Variants in PLSCR2 observed in about 807,000 individuals in gnomAD.
PLSCR2 encodes the protein phospholipid scramblase 2, also known as PL scramblase 2.
PLSCR2 carries 18 observed loss-of-function variants against 25.3 expected under a neutral mutation model. The ratio of observed to expected loss-of-function variants is 0.71; its 90% confidence interval spans 0.49 to 1.06. PLSCR2 has a LOEUF of 1.06. Ranked by LOEUF, PLSCR2 falls within the 50% of genes least tolerant of loss-of-function variation. PLSCR2 has a pLI of 0.00. For synonymous variants in PLSCR2, 88 were observed against 87.3 expected (o/e 1.01, Z -0.04); for missense variants, 243 against 269.5 (o/e 0.90, Z 0.69).
At chr3:146,473,918 GA>G (rs1461358984) in intron 1 of PLSCR2, among the ~76,000 whole-genome samples, 3 of 152,156 alleles carry the variant, frequency 2.0e-5, no homozygotes, top group Non-Finnish European at 4.4e-5. Flanking sequence ...CTCAGTTCTT[GA>G]AGAACAATAT....
chr3:146,475,677 A>T (rs1342023533), intron 1 of PLSCR2, among the ~76,000 whole-genome samples: 1 of 152,178 alleles, frequency 6.6e-6, no homozygotes, highest in Non-Finnish European at 1.5e-5. Flanking sequence ...ATAAATGGAT[A>T]TAGTTTTCCT....
downstream of PLSCR2, among the ~76,000 whole-genome samples, chr3:146,430,309 T>G (rs2039502379): frequency 6.6e-6 from 1 of 152,070 alleles, no homozygotes; most frequent in African/African-American, 2.4e-5. Flanking sequence ...TATTGAAAAT[T>G]GAGGAAAATT....
intron 2 of PLSCR2, among the ~76,000 whole-genome samples, chr3:146,408,016 A>G (rs1017990251): frequency 4.6e-5 from 7 of 152,336 alleles, no homozygotes; most frequent in African/African-American, 1.7e-4. Context: ...CTGATCTAAC[A>G]GTAAACTCTG....
chr3:146,421,760 T>C (rs968277478), intron 2 of PLSCR2, among the ~76,000 whole-genome samples: 13 of 152,128 alleles, frequency 8.5e-5, no homozygotes, highest in African/African-American at 3.1e-4. Context: ...TGAATGGGTG[T>C]GACAACACAA....
At chr3:146,423,304 A>G (rs12487845) in intron 2 of PLSCR2, among the ~76,000 whole-genome samples, 26,064 of 133,094 alleles carry the variant, frequency 0.2, 3,357 homozygotes, top group Admixed American at 0.31. Flanking sequence ...TTCTCACAAG[A>G]AACTTAATAT....
intron 2 of PLSCR2, among the ~76,000 whole-genome samples, chr3:146,410,865 G>T (rs2038823826): frequency 6.6e-6 from 1 of 152,160 alleles, no homozygotes; most frequent in African/African-American, 2.4e-5. Flanking sequence ...GAGGGGACTT[G>T]GGCTCCTCTT....
chr3:146,422,520 A>G lies in PLSCR2; in HGVS notation c.101-26599T>C, dbSNP rs566975509. On this transcript the variant is annotated intron_variant and NMD_transcript_variant, in intron 2 of 3. Transcript: ENST00000463633. The stretch of plus-strand genomic sequence containing the variant: ...ACTGGTGTTATCACAGTCATCAGAA[A>G]ATAAACTTTCATCATTCCAGTTTCC... Among the ~76,000 whole-genome samples the G allele has an allele frequency of 1.4e-3, 208 of 152,248 alleles. 1 individual carries two copies. Among genetic ancestry groups the G allele is most frequent in the East Asian group, 9.6e-4 (5 of 5,182 alleles).
downstream of PLSCR2, among the ~76,000 whole-genome samples, chr3:146,428,501 G>A (rs1379422011): frequency 6.6e-6 from 1 of 152,180 alleles, no homozygotes; most frequent in Non-Finnish European, 1.5e-5. Flanking sequence ...AATAATATTA[G>A]ATTAAAATTT....
chr3:146,447,669 C>T (rs947799379), intron 6 of PLSCR2, among the ~76,000 whole-genome samples: 1 of 152,112 alleles, frequency 6.6e-6, no homozygotes, highest in Non-Finnish European at 1.5e-5. Flanking sequence ...AGGGGTGATG[C>T]AAGCACTCCT....
At chr3:146,481,018 CA>C (rs1479286641) in intron 1 of PLSCR2, among the ~76,000 whole-genome samples, 1 of 151,870 alleles carries the variant, frequency 6.6e-6, no homozygotes, top group Non-Finnish European at 1.5e-5. Flanking sequence ...AAAAGGCCTT[CA>C]AAAAATTCAA....
At chr3:146,416,639 C>G (rs2039014265) in intron 2 of PLSCR2, 1 of 152,136 alleles carries the variant, frequency 6.6e-6, no homozygotes, top group South Asian at 2.1e-4. Flanking sequence ...AATATTTAGC[C>G]TTTTATGTTT....
chr3:146,454,998 A>G (rs1024691670), intron 4 of PLSCR2, among the ~76,000 whole-genome samples: 8 of 152,144 alleles, frequency 5.3e-5, no homozygotes, highest in African/African-American at 1.9e-4. Context: ...TTCCTTTAAT[A>G]TCAAGAACTC....
rs1404781423 is a variant in PLSCR2 at position 146,409,004 on chromosome 3, GA to G, written c.101-13084del. On this transcript the variant is annotated intron_variant and NMD_transcript_variant, in intron 2 of 3. Coordinates refer to the PLSCR2 transcript ENST00000463633. ...GGATACATTTCCTCTCTTCAGAGGTGAAAAGGGTTGAAAGGAGCTGTTGGCA... is the reference window on the plus strand; with the variant it reads ...GGATACATTTCCTCTCTTCAGAGGTGAAAGGGTTGAAAGGAGCTGTTGGCA... Among the ~76,000 whole-genome samples, 5 of 152,276 alleles carry G rather than the reference GA, an allele frequency of 3.3e-5. 1 individual carries two copies. The South Asian group carries it at 8.3e-4, about 25-fold the overall frequency.
chr3:146,476,527 C>T (rs1006966118), intron 1 of PLSCR2, among the ~76,000 whole-genome samples: 1 of 152,222 alleles, frequency 6.6e-6, no homozygotes, highest in Non-Finnish European at 1.5e-5. Flanking sequence ...GGGAAGCCTT[C>T]ATCACTGCAG....
intron 6 of PLSCR2, among the ~76,000 whole-genome samples, chr3:146,443,957 G>A (rs2108264399): frequency 6.6e-6 from 1 of 151,806 alleles, no homozygotes; most frequent in South Asian, 2.1e-4. Context: ...GGTATGTTCT[G>A]TTTCCATTAC....
chr3:146,441,988 C>T (rs925444456), intron 6 of PLSCR2, among the ~76,000 whole-genome samples, 167 bp from the exon 7 acceptor site: 4 of 152,026 alleles, frequency 2.6e-5, no homozygotes, highest in Admixed American at 1.3e-4. Flanking sequence ...TCTCTACCTT[C>T]AGCTATCTAT....
intron 3 of PLSCR2, among the ~76,000 whole-genome samples, chr3:146,392,557 T>C (rs1021055239): frequency 6.6e-6 from 1 of 152,046 alleles, no homozygotes; most frequent in African/African-American, 2.4e-5. Context: ...ATATCATTTT[T>C]ATTAACATAA....
downstream of PLSCR2, among the ~76,000 whole-genome samples, chr3:146,438,492 C>G (rs183052631): frequency 6.8e-3 from 1,038 of 152,292 alleles, 8 homozygotes; most frequent in South Asian, 0.017. Context: ...GGATAGTTAG[C>G]TCTTCTTGTT....
At chr3:146,417,487 A>G (rs2039033508) in intron 2 of PLSCR2, among the ~76,000 whole-genome samples, 1 of 152,166 alleles carries the variant, frequency 6.6e-6, no homozygotes, top group African/African-American at 2.4e-5. Context: ...TTGACTATGA[A>G]ATAAGAGATG....
Sources: allele counts gnomAD v4.1 joint callset (sites outside exome capture counted in the v4.1 genomes callset), GRCh38; gene constraint gnomAD v4.1.1; transcripts MANE v1.5; gene names NCBI Gene and HGNC (gene_info 2026-07-23, HGNC 2026-07-21).